CCDC122: variants seen among roughly 807,000 people sequenced by gnomAD.
The protein encoded by CCDC122 is coiled-coil domain containing 122.
A neutral mutation model predicts 37.0 loss-of-function variants in CCDC122; 38 were observed. That is an observed-to-expected ratio of 1.03 (90% CI 0.79 to 1.35). The LOEUF is 1.35. CCDC122 is among the 40% of genes most tolerant of loss of function. The pLI, the probability that CCDC122 is intolerant of heterozygous loss-of-function variation, is 0.00. For missense variants in CCDC122, 305 were observed against 310.0 expected (o/e 0.98, Z 0.12); for synonymous variants, 83 against 95.6 (o/e 0.87, Z 0.77).
chr13:43,836,033 A>C (rs1471333894), downstream of CCDC122, among the ~76,000 whole-genome samples: 2 of 152,236 alleles, frequency 1.3e-5, no homozygotes, highest in African/African-American at 2.4e-5. Context: ...GTTTTATATC[A>C]GCTCCACTTA....
At chr13:43,869,086 ATATAC>A (rs1387605490) in intron 3 of CCDC122, among the ~76,000 whole-genome samples, 1 of 152,034 alleles carries the variant, frequency 6.6e-6, no homozygotes, top group Non-Finnish European at 1.5e-5. Context: ...CCACTTGCAC[ATATAC>A]TATAATTATA....
chr13:43,834,840 G>A (rs1953125071), downstream of CCDC122, among the ~76,000 whole-genome samples: 1 of 151,962 alleles, frequency 6.6e-6, no homozygotes, highest in Admixed American at 6.6e-5. Context: ...GGAGAAATAG[G>A]AACACTTTTA....
At chr13:43,876,983 C>A (rs13378310) in intron 1 of CCDC122, among the ~76,000 whole-genome samples, 2 of 152,004 alleles carry the variant, frequency 1.3e-5, no homozygotes, top group Non-Finnish European at 2.9e-5. Flanking sequence ...TGGTGGTGCA[C>A]GCCTGTAATC....
intron 6 of CCDC122, among the ~76,000 whole-genome samples, chr13:43,851,253 A>G (rs1315516099): frequency 2.6e-5 from 4 of 151,028 alleles, no homozygotes; most frequent in African/African-American, 7.3e-5. Flanking sequence ...TGTCAGGAAG[A>G]AAGAACATAA....
chr13:43,877,844 C>T (rs1954684189), intron 1 of CCDC122: 1 of 152,140 alleles, frequency 6.6e-6, no homozygotes, highest in African/African-American at 2.4e-5. Context: ...ATGCTCAGGC[C>T]TAACTCCTAG....
At chr13:43,853,408 T>C (rs532667984) in intron 6 of CCDC122, among the ~76,000 whole-genome samples, 1 of 152,176 alleles carries the variant, frequency 6.6e-6, no homozygotes, top group African/African-American at 2.4e-5. Context: ...CATTACATAA[T>C]GGTAAAGGAT....
intron 2 of CCDC122, among the ~76,000 whole-genome samples, chr13:43,870,972 C>T (rs1406623458): frequency 2.0e-5 from 3 of 152,064 alleles, no homozygotes; most frequent in African/African-American, 7.2e-5. Flanking sequence ...CACTTCATAT[C>T]AAAATCTGTG....
chr13:43,837,579 A>C (rs1491002643), intron 6 of CCDC122, 150 bp from the exon 7 acceptor site: 3 of 667,088 alleles, frequency 4.5e-6, no homozygotes, highest in East Asian at 5.9e-5. Flanking sequence ...AGTAATTGTA[A>C]AACTGTTTAT....
At chr13:43,839,796 G>A (rs1953282642) in intron 6 of CCDC122, among the ~76,000 whole-genome samples, 1 of 152,160 alleles carries the variant, frequency 6.6e-6, no homozygotes, top group South Asian at 2.1e-4. Flanking sequence ...CATGGCCACT[G>A]TTAAAAGAAA....
chr13:43,858,331 T>G (rs1037161152), intron 6 of CCDC122: 7 of 152,286 alleles, frequency 4.6e-5, no homozygotes, highest in Middle Eastern at 3.2e-3. Flanking sequence ...TTGCATATTT[T>G]CAGTTTGTTT....
At chr13:43,859,327 T>C (rs1259088280) in intron 5 of CCDC122, among the ~76,000 whole-genome samples, 2 of 152,130 alleles carry the variant, frequency 1.3e-5, no homozygotes, top group East Asian at 3.8e-4. Flanking sequence ...TTGATTTGAA[T>C]TGGTCTGGAT....
intron 2 of CCDC122, among the ~76,000 whole-genome samples, chr13:43,871,603 A>G (rs1343625359): frequency 6.6e-6 from 1 of 151,690 alleles, no homozygotes; most frequent in Non-Finnish European, 1.5e-5. Flanking sequence ...CCACTCCCCA[A>G]CCCTTTTCTA....
chr13:43,837,873 G>C (rs371058247), intron 6 of CCDC122, among the ~76,000 whole-genome samples: 2 of 152,200 alleles, frequency 1.3e-5, no homozygotes, highest in East Asian at 3.9e-4. Context: ...CCTATGTAAG[G>C]AACTACAATC....
chr13:43,839,489 ATGAGT>A (rs1388441175), intron 6 of CCDC122, among the ~76,000 whole-genome samples: 3 of 152,206 alleles, frequency 2.0e-5, no homozygotes, highest in Admixed American at 2.0e-4. Flanking sequence ...TATCCAGTTC[ATGAGT>A]TGATGAACAT....
rs1055253287 is a variant in CCDC122, at chr13:43,851,604, T to A, written c.672+7177A>T. On this transcript the variant is annotated intron_variant, in intron 6 of 6. Coordinates refer to ENST00000444614, the MANE Select transcript of CCDC122 (RefSeq NM_144974.5). ...GGACTCATGAGCACTCTGCCACAGC[T>A]GATGAGTGTGCACCCCACTGCACTG... Among the ~76,000 whole-genome samples the A allele has an allele frequency of 3.9e-5, 6 of 152,166 alleles. No homozygotes were observed. The East Asian group carries it at 1.2e-3, about 29-fold the overall frequency.
chr13:43,829,398 C>T (rs568589941), intron 3 of CCDC122, among the ~76,000 whole-genome samples: 17 of 152,108 alleles, frequency 1.1e-4, no homozygotes, highest in African/African-American at 2.7e-4. Flanking sequence ...CTCCGCCTCC[C>T]GGGCTCATGT....
chr13:43,858,301 A>G (rs1953992241), intron 6 of CCDC122: 1 of 152,350 alleles, frequency 6.6e-6, no homozygotes, highest in Non-Finnish European at 1.5e-5. Context: ...CACATTATGA[A>G]TTTACTCTGA....
chr13:43,851,407 T>C (rs552504928), intron 6 of CCDC122, among the ~76,000 whole-genome samples: 56 of 152,300 alleles, frequency 3.7e-4, no homozygotes, highest in Middle Eastern at 6.8e-3. Context: ...CTGAAGTATA[T>C]GCCTTAAATG....
intron 6 of CCDC122, among the ~76,000 whole-genome samples, chr13:43,840,107 C>T (rs1169029762): frequency 1.3e-5 from 2 of 152,182 alleles, no homozygotes; most frequent in East Asian, 3.9e-4. Flanking sequence ...CAGACACATA[C>T]TCCTAAGTTA....
Sources: allele counts gnomAD v4.1 joint callset (sites outside exome capture counted in the v4.1 genomes callset), GRCh38; gene constraint gnomAD v4.1.1; transcripts MANE v1.5; gene names NCBI Gene and HGNC (gene_info 2026-07-23, HGNC 2026-07-21).